Variants in OMD observed in about 807,000 individuals in gnomAD.
OMD encodes KSPG osteomodulin.
OMD carries 19 observed loss-of-function variants against 31.2 expected under a neutral mutation model. The ratio of observed to expected loss-of-function variants is 0.61; its 90% confidence interval spans 0.42 to 0.89. OMD has a LOEUF of 0.89. Among genes scored for constraint, OMD ranks in the 40% least tolerant of loss-of-function variants. The pLI is 0.00. For synonymous variants in OMD, 155 were observed against 166.4 expected (o/e 0.93, Z 0.53); for missense variants, 448 against 490.8 (o/e 0.91, Z 0.82).
intron 2 of OMD, 27 bp from the exon 3 acceptor site, chr9:92,415,504 C>A: frequency 1.5e-6 from 2 of 1,361,714 alleles, no homozygotes; most frequent in South Asian, 1.4e-5. Context: ...AAAAATTAAT[C>A]TTGTATTATA....
chr9:92,415,535 C>T, intron 2 of OMD, 58 bp from the exon 3 acceptor site: 1 of 945,336 alleles, frequency 1.1e-6, no homozygotes, highest in Non-Finnish European at 1.5e-6. Flanking sequence ...TAGTTATAGC[C>T]ATAATTCTAT....
At chr9:92,420,295 T>G (rs538663262) in intron 1 of OMD, among the ~76,000 whole-genome samples, 1 of 152,328 alleles carries the variant, frequency 6.6e-6, no homozygotes, top group East Asian at 1.9e-4. Flanking sequence ...CTCCCAACAT[T>G]GTCAGTTCCT....
intron 1 of OMD, among the ~76,000 whole-genome samples, chr9:92,422,030 AC>A (rs2130970874): frequency 6.6e-6 from 1 of 152,112 alleles, no homozygotes; most frequent in East Asian, 1.9e-4. Context: ...ATTTTATTGT[AC>A]TTATTATAGT....
intron 1 of OMD, among the ~76,000 whole-genome samples, chr9:92,420,144 A>T (rs537243746): frequency 1.3e-5 from 2 of 152,194 alleles, no homozygotes; most frequent in African/African-American, 4.8e-5. Flanking sequence ...CTATTACTGG[A>T]ACCCTTCATA....
rs1306061673 is a variant in OMD at position 92,415,038 on chromosome 9, TATACTA to T, written c.*108_*113del. ...AACAACTTAAATTCAATTCTGATCT[TATACTA>T]ATACATAATTCTAAATATATTACTT... On this transcript the variant is annotated 3_prime_UTR_variant, in exon 3 of 3. Transcript: ENST00000375550. 1.7e-5 allele frequency: 13 copies of T among 770,450 alleles called. No individual in the cohort carries two copies. The highest frequency in any genetic ancestry group is 1.0e-4 in the South Asian group (4 of 39,726). 47.7% of individuals were successfully genotyped at this position (770,450 alleles called of 1,614,324 possible).
intron 2 of OMD, among the ~76,000 whole-genome samples, chr9:92,415,959 T>C (rs2130956705): frequency 6.9e-6 from 1 of 145,774 alleles, no homozygotes; most frequent in Non-Finnish European, 1.5e-5. Flanking sequence ...ATACGCTCTG[T>C]ATAAATTGTC....
At chr9:92,419,363 C>T (rs1225996559) in intron 1 of OMD, among the ~76,000 whole-genome samples, 2 of 141,420 alleles carry the variant, frequency 1.4e-5, no homozygotes, top group African/African-American at 5.4e-5. Context: ...TGCAGTGGTG[C>T]GATCTCGGCT....
Position 92,415,256 on chromosome 9 carries a change from CA to C in OMD, c.1161del (p.Asp387GlufsTer54). 6.2e-7 allele frequency: 1 copy of C among 1,613,806 alleles called. No individual in the cohort carries two copies. The highest frequency in any genetic ancestry group is 1.3e-5 in the African/African-American group (1 of 75,046). The stretch of plus-strand genomic sequence containing the variant: ...GGATCATCGTGATCTTCACTTTCAT[CA>C]TCATCATCTGGAAATCTCCTGAAAA... The part of the protein sequence containing the change: ...TQVFRRFPDD[D>X]DESEDHDDPD... On this transcript the variant is annotated frameshift_variant, in exon 3 of 3. Transcript: ENST00000375550. LOFTEE classifies it high-confidence loss of function.
chr9:92,418,802 C>A (rs554161127), intron 1 of OMD, among the ~76,000 whole-genome samples: 1 of 152,210 alleles, frequency 6.6e-6, no homozygotes, highest in African/African-American at 2.4e-5. Flanking sequence ...ACTAACAGCA[C>A]CATCAAATTT....
chr9:92,423,664 A>G (rs930401507), intron 1 of OMD, among the ~76,000 whole-genome samples: 1 of 152,190 alleles, frequency 6.6e-6, no homozygotes, highest in South Asian at 2.1e-4. Flanking sequence ...AGATCCTTCA[A>G]TAGACTAGAT....
chr9:92,423,950 T>TAA (rs149933711), intron 1 of OMD, among the ~76,000 whole-genome samples: 2 of 151,298 alleles, frequency 1.3e-5, no homozygotes, highest in African/African-American at 4.9e-5. Context: ...TCATTCAAAG[T>TAA]AAAAAAAAAT....
intron 1 of OMD, among the ~76,000 whole-genome samples, chr9:92,418,065 GT>G (rs1051193451): frequency 6.6e-6 from 1 of 150,498 alleles, no homozygotes; most frequent in Non-Finnish European, 1.5e-5. Flanking sequence ...AATGAAGTGA[GT>G]TTTTTTTCTT....
In OMD at chr9:92,416,622, C is replaced by G. The variant is rs200067554; in HGVS notation, c.937G>C (p.Glu313Gln). Residue 313 changes from glutamate (E) to glutamine (Q), a missense_variant, in exon 2 of 3, where the codon GAA becomes CAA. Glu to Gln is a conservative substitution (Grantham distance 29). Transcript: ENST00000375550. ...AACACAATAAAAGTCTACATACTTTCTATTTCATTATTTTGTAGGTATAGG... is the reference window on the plus strand; with the variant it reads ...AACACAATAAAAGTCTACATACTTTGTATTTCATTATTTTGTAGGTATAGG... ...EHLYLQNNEI[E>Q]KMNLTVMCPS... The G allele has an allele frequency of 6.6e-7, 1 of 1,517,680 alleles. No individual in the cohort carries two copies. Among genetic ancestry groups the G allele is most frequent in the Non-Finnish European group, 8.9e-7 (1 of 1,120,918 alleles). The allele number at this position is 1,517,680 out of a possible 1,614,324, so 94.0% of individuals were successfully genotyped here. A position where few individuals can be genotyped will look rare whatever the true frequency, so the allele number is the denominator to read the frequency against.
intron 1 of OMD, among the ~76,000 whole-genome samples, chr9:92,418,058 G>T (rs896870471): frequency 2.0e-5 from 3 of 151,068 alleles, no homozygotes; most frequent in East Asian, 2.0e-4. Context: ...AAGTACAAAT[G>T]AAGTGAGTTT....
chr9:92,417,326 C>T lies in OMD; in HGVS notation c.233G>A (p.Cys78Tyr). ...GATAGTCTTGAGTTTGCGATTATCACAGTACATTGATGATGGAAAGTTAGT... is the reference window on the plus strand; with the variant it reads ...GATAGTCTTGAGTTTGCGATTATCATAGTACATTGATGATGGAAAGTTAGT... ...CPTNFPSSMY[C>Y]DNRKLKTIPN... The change falls in exon 2 of 3, where the codon TGT (cysteine) becomes TAT (tyrosine). Residue 78 changes from cysteine (C) to tyrosine (Y), a missense_variant. Coordinates refer to ENST00000375550, the MANE Select transcript of OMD (RefSeq NM_005014.3). 1.2e-6 allele frequency: 2 copies of T among 1,614,050 alleles called. No individual in the cohort carries two copies. The highest frequency in any genetic ancestry group is 1.1e-5 in the South Asian group (1 of 91,078).
At chr9:92,420,113 G>A (rs915271464) in intron 1 of OMD, among the ~76,000 whole-genome samples, 3 of 152,016 alleles carry the variant, frequency 2.0e-5, no homozygotes, top group Admixed American at 6.6e-5. Flanking sequence ...CCATGCACCC[G>A]CATCCTGGGT....
At chr9:92,416,056 G>GTT (rs1403964887) in intron 2 of OMD, among the ~76,000 whole-genome samples, 1 of 83,452 alleles carries the variant, frequency 1.2e-5, no homozygotes, top group Non-Finnish European at 2.8e-5. Flanking sequence ...TTATATATGT[G>GTT]TGTATATATA....
rs781234688 is a variant in OMD, at chr9:92,416,852, A to C, written c.707T>G (p.Met236Arg). ...SMPPGLPSSLMYLSLENNSIS... is the reference protein window; with the variant it reads ...SMPPGLPSSLRYLSLENNSIS... ...TGAATTATTTTCTAAAGACAGATAC[A>C]TAAGTGAAGAAGGCAAACCAGGAGG... is the stretch of plus-strand genomic sequence containing the variant. The change falls in exon 2 of 3, where the codon ATG becomes AGG. Residue 236 changes from methionine (M) to arginine (R), a missense_variant. Met to Arg is a moderately conservative substitution (Grantham distance 91). Coordinates refer to ENST00000375550, the MANE Select transcript of OMD (RefSeq NM_005014.3). The C allele has an allele frequency of 5.6e-6, 9 of 1,613,838 alleles. No homozygotes were observed. The East Asian group carries it at 2.0e-4, about 36-fold the overall frequency.
rs756070103 is a variant in OMD, at chr9:92,415,360, CAGA to C, written c.1055_1057del (p.Phe352del). ...ATAAATAGTGTGTATATGAGGGAAG[CAGA>C]AGAAGATGTATGAGCTTATTGGTTC... On this transcript the variant is annotated inframe_deletion, in exon 3 of 3. Coordinates refer to ENST00000375550, the MANE Select transcript of OMD (RefSeq NM_005014.3). The C allele has an allele frequency of 2.8e-4, 452 of 1,613,328 alleles. No homozygotes were observed. The highest frequency in any genetic ancestry group is 3.5e-4 in the Non-Finnish European group (408 of 1,179,624).
Sources: allele counts gnomAD v4.1 joint callset (sites outside exome capture counted in the v4.1 genomes callset), GRCh38; gene constraint gnomAD v4.1.1; transcripts MANE v1.5; gene names NCBI Gene and HGNC (gene_info 2026-07-23, HGNC 2026-07-21).